The following MAPRE2 variants were observed in gnomAD, a reference collection of about 807,000 sequenced individuals.
MAPRE2 encodes microtubule-associated protein RP/EB family member 2.
MAPRE2 carries 13 observed loss-of-function variants against 43.2 expected under a neutral mutation model. The ratio of observed to expected loss-of-function variants is 0.30; its 90% CI spans 0.20 to 0.48. The LOEUF is 0.48. Among genes scored for constraint, MAPRE2 ranks in the 20% least tolerant of loss-of-function variants. The pLI is 0.99. For missense variants in MAPRE2, 161 were observed against 400.2 expected (o/e 0.40, Z 5.10); for synonymous variants, 135 against 148.8 (o/e 0.91, Z 0.68).
In MAPRE2 at chr18:35,102,021, T is replaced by C; in HGVS notation, c.472T>C (p.Tyr158His). The C allele has an allele frequency of 6.2e-7, 1 of 1,613,590 alleles. No individual in the cohort carries two copies. The highest frequency in any genetic ancestry group is 8.5e-7 in the Non-Finnish European group (1 of 1,179,806). Residue 158 changes from tyrosine to histidine, a missense_variant, in exon 4 of 7, where the codon TAT becomes CAT. Around this residue, in one of 2 missense-constraint regions of MAPRE2, gnomAD observed 65 missense variants for 246.9 expected, o/e 0.26. Coordinates refer to ENST00000300249, the MANE Select transcript of MAPRE2 (RefSeq NM_014268.4). ...LDFIQWFKKF[Y>H]DANYDGKEYD... is the part of the protein sequence containing the mutation. ...TTTTATTCAATGGTTTAAGAAATTC[T>C]ATGATGCTAACTACGATGGGAAGGA...
intron 3 of MAPRE2, 107 bp downstream of exon 3, chr18:35,097,698 C>A: frequency 2.1e-6 from 2 of 942,026 alleles, no homozygotes; most frequent in Non-Finnish European, 3.2e-6. Context: ...CTTGATATCC[C>A]AACAGTAGGC....
intron 2 of MAPRE2, among the ~76,000 whole-genome samples, chr18:35,020,132 C>A (rs764923902): frequency 4.6e-5 from 7 of 152,104 alleles, no homozygotes; most frequent in Non-Finnish European, 1.0e-4. Context: ...CTAAAATTAG[C>A]TGTGCTTCAG....
rs1282015965 is a variant in MAPRE2, at chr18:35,047,728, A to AAC, written c.122+6068_122+6069insCA. ...TTAGTAGGTTACTTAAAAAAAAAAA[A>AAC]AAAACACTGTGTTTTCAGTGTCAAA... On this transcript the variant is annotated intron_variant, in intron 1 of 6. Transcript: ENST00000300249. 5.9e-5 allele frequency among the ~76,000 whole-genome samples: 9 copies of AAC among 151,974 alleles called. No individual in the cohort carries two copies. In the South Asian group the frequency reaches 6.3e-4, roughly 11 times the overall value.
At chr18:35,026,773 G>A (rs1238469812) in intron 2 of MAPRE2, among the ~76,000 whole-genome samples, 1 of 152,122 alleles carries the variant, frequency 6.6e-6, no homozygotes, top group African/African-American at 2.4e-5. Flanking sequence ...CAGATATAAA[G>A]CAGAGGACAG....
chr18:35,136,386 T>C (rs1005870848), intron 6 of MAPRE2, among the ~76,000 whole-genome samples: 1 of 152,094 alleles, frequency 6.6e-6, no homozygotes, highest in Non-Finnish European at 1.5e-5. Flanking sequence ...GACCCAACCC[T>C]ACCTCAGAGG....
At chr18:35,024,739 A>G (rs971423720) in intron 2 of MAPRE2, among the ~76,000 whole-genome samples, 2 of 152,206 alleles carry the variant, frequency 1.3e-5, no homozygotes, top group Non-Finnish European at 2.9e-5. Context: ...CCTTTATATC[A>G]TAGACAATGT....
chr18:35,131,732 A>G (rs1019334022), intron 5 of MAPRE2, among the ~76,000 whole-genome samples: 3 of 152,182 alleles, frequency 2.0e-5, no homozygotes, highest in African/African-American at 7.2e-5. Context: ...CTATGTTAGC[A>G]GGAGACGAAA....
rs746119818 is a variant in MAPRE2 at position 35,070,178 on chromosome 18, CTT to C, written c.123-15_123-14del. On this transcript the variant is annotated splice_polypyrimidine_tract_variant and intron_variant, in intron 1 of 6. Transcript: ENST00000300249. The stretch of plus-strand genomic sequence containing the variant: ...GTTAATTTCCTTGTTGTTAAATAAA[CTT>C]TGTTTTTTTTCTAGTTGGGGAATGG... 1.1e-5 allele frequency: 18 copies of C among 1,571,176 alleles called. No homozygotes were observed. The highest frequency in any genetic ancestry group is 1.5e-5 in the Non-Finnish European group (18 of 1,162,656).
intron 2 of MAPRE2, among the ~76,000 whole-genome samples, chr18:35,024,193 C>A (rs1326542716): frequency 1.3e-5 from 2 of 152,194 alleles, no homozygotes; most frequent in Non-Finnish European, 2.9e-5. Flanking sequence ...GCATTAGAAG[C>A]ACTCAGAGTT....
chr18:35,099,627 T>C (rs559027436), intron 3 of MAPRE2, among the ~76,000 whole-genome samples: 9 of 152,150 alleles, frequency 5.9e-5, no homozygotes, highest in African/African-American at 2.2e-4. Context: ...AAATAAAAAA[T>C]AAAAATTTTA....
rs1325383286 is a variant in MAPRE2, at chr18:35,143,308, T to G, written c.*2939T>G. 1 of 152,120 alleles carries G rather than the reference T, an allele frequency of 6.6e-6. No individual in the cohort carries two copies. The highest frequency in any genetic ancestry group is 1.5e-5 in the Non-Finnish European group (1 of 68,014). The allele number at this position is 152,120 out of a possible 1,614,324, so 9.4% of individuals were successfully genotyped here. ...GTTAATTATAAATATAGATAAGTAATGACATAATAGATGAAAAAGTCTTAT... is the reference window on the plus strand; with the variant it reads ...GTTAATTATAAATATAGATAAGTAAGGACATAATAGATGAAAAAGTCTTAT... On this transcript the variant is annotated 3_prime_UTR_variant, in exon 7 of 7. Transcript: ENST00000300249.
chr18:35,096,771 GTAA>G (rs1186014851), intron 2 of MAPRE2, among the ~76,000 whole-genome samples: 1 of 151,672 alleles, frequency 6.6e-6, no homozygotes, highest in Non-Finnish European at 1.5e-5. Flanking sequence ...ATAAGTATAA[GTAA>G]TAATAGTTAA....
chr18:35,012,357 G>A (rs1316545694), intron 2 of MAPRE2, among the ~76,000 whole-genome samples: 5 of 152,078 alleles, frequency 3.3e-5, no homozygotes, highest in African/African-American at 7.2e-5. Flanking sequence ...AATTGCCCAA[G>A]GAGAGTATAG....
chr18:35,090,104 T>G (rs1398470066), intron 2 of MAPRE2, among the ~76,000 whole-genome samples: 1 of 151,818 alleles, frequency 6.6e-6, no homozygotes, highest in Non-Finnish European at 1.5e-5. Flanking sequence ...AGACAGAAAA[T>G]AGATTAGTGG....
chr18:35,062,002 A>G (rs1291585797), intron 1 of MAPRE2, among the ~76,000 whole-genome samples: 1 of 152,214 alleles, frequency 6.6e-6, no homozygotes, highest in Admixed American at 6.5e-5. Flanking sequence ...TTTCTGGTTC[A>G]GGAGACACAT....
At chr18:35,133,181 A>G (rs1052354374) in intron 6 of MAPRE2, among the ~76,000 whole-genome samples, 3 of 152,196 alleles carry the variant, frequency 2.0e-5, no homozygotes, top group Admixed American at 6.5e-5. Flanking sequence ...TACTCCATTT[A>G]TGCCTCAAAA....
At chr18:34,982,710 T>G (rs1275845661) in intron 1 of MAPRE2, among the ~76,000 whole-genome samples, 1 of 152,212 alleles carries the variant, frequency 6.6e-6, no homozygotes, top group African/African-American at 2.4e-5. Context: ...AATCTAGTAA[T>G]CTATCACTTC....
chr18:35,059,945 C>G (rs577901998), intron 1 of MAPRE2, among the ~76,000 whole-genome samples: 1 of 152,276 alleles, frequency 6.6e-6, no homozygotes, highest in South Asian at 2.1e-4. Flanking sequence ...GAGCTCAGAA[C>G]CAGGAGGTGG....
chr18:34,980,031 C>CTTTTTTTTTTTTTTTTTT (rs796434537), intron 1 of MAPRE2, among the ~76,000 whole-genome samples: 7 of 46,152 alleles, frequency 1.5e-4, no homozygotes, highest in South Asian at 9.3e-4. Flanking sequence ...TTCTTTTTTT[C>CTTTTTTTTTTTTTTTTTT]TTTTTTTTTT....
Sources: allele counts gnomAD v4.1 joint callset (sites outside exome capture counted in the v4.1 genomes callset), GRCh38; gene constraint gnomAD v4.1.1; regional missense constraint gnomAD v4.1.1; transcripts MANE v1.5; gene names NCBI Gene and HGNC (gene_info 2026-07-23, HGNC 2026-07-21).